PRKG1: variants seen among roughly 807,000 people sequenced by gnomAD.
PRKG1 encodes protein kinase cGMP-dependent 1, also known as cGMP-dependent protein kinase 1.
A neutral mutation model predicts 88.1 loss-of-function variants in PRKG1; 35 were observed. That is an observed-to-expected ratio of 0.40 (90% confidence interval 0.30 to 0.53). The LOEUF is 0.53. PRKG1 is among the 20% of genes least tolerant of loss of function. The probability of loss-of-function intolerance (pLI) is 0.59; values close to 1 mark genes in which losing one functional copy is unlikely to be tolerated. For missense variants in PRKG1, 540 were observed against 839.8 expected, an observed-to-expected ratio of 0.64 and a Z score of 4.41; for synonymous variants, 303 against 292.5, an observed-to-expected ratio of 1.04 and a Z score of -0.37.
At chr10:51,420,263 T>C (rs1838371506) in intron 2 of PRKG1, among the ~76,000 whole-genome samples, 1 of 152,190 alleles carries the variant, frequency 6.6e-6, no homozygotes, top group South Asian at 2.1e-4. Context: ...TTAGTATTAC[T>C]ATCTGAATAG....
At chr10:51,369,169 C>T (rs1313695273) in intron 2 of PRKG1, among the ~76,000 whole-genome samples, 1 of 151,992 alleles carries the variant, frequency 6.6e-6, no homozygotes, top group Non-Finnish European at 1.5e-5. Flanking sequence ...TCATTAGAAG[C>T]GACTGTTTCT....
rs1245122982 is a variant in PRKG1, at chr10:52,151,209, A to AT, written c.1002-10673dup. Among the ~76,000 whole-genome samples, 4 of 151,976 alleles carry AT rather than the reference A, an allele frequency of 2.6e-5. No individual in the cohort carries two copies. The East Asian group carries it at 5.8e-4, about 22-fold the overall frequency. ...ACTAAGGGCCTAGTACCCAATAGTT[A>AT]TTTTTTTCTGCTGCTCACCCTCCTC... On this transcript the variant is annotated intron_variant, in intron 8 of 17. Coordinates refer to ENST00000373980, the MANE Select transcript of PRKG1 (RefSeq NM_006258.4).
chr10:51,222,170 G>A (rs1276601720), intron 2 of PRKG1, among the ~76,000 whole-genome samples: 1 of 145,762 alleles, frequency 6.9e-6, no homozygotes, highest in East Asian at 2.1e-4. Flanking sequence ...ACAGGCATGA[G>A]CCACCGCGCC....
At chr10:51,242,838 A>C (rs61849744) in intron 2 of PRKG1, among the ~76,000 whole-genome samples, 48 of 152,194 alleles carry the variant, frequency 3.2e-4, no homozygotes, top group Non-Finnish European at 5.3e-4. Context: ...TAGTGAAAAT[A>C]TAGTGAACAC....
chr10:51,608,035 T>C (rs1446177526), intron 3 of PRKG1, among the ~76,000 whole-genome samples: 1 of 152,198 alleles, frequency 6.6e-6, no homozygotes, highest in Non-Finnish European at 1.5e-5. Context: ...TATTTTCCCT[T>C]TGAATTTTCA....
chr10:51,257,794 A>AT (rs1839603439), intron 2 of PRKG1, among the ~76,000 whole-genome samples: 1 of 152,180 alleles, frequency 6.6e-6, no homozygotes, highest in Non-Finnish European at 1.5e-5. Context: ...GATTCTGATG[A>AT]ACTAGGCTCT....
At chr10:51,793,924 G>C (rs1488136479) in intron 3 of PRKG1, among the ~76,000 whole-genome samples, 1 of 152,042 alleles carries the variant, frequency 6.6e-6, no homozygotes, top group East Asian at 1.9e-4. Flanking sequence ...AACACATCCA[G>C]CTAGTTTTTT....
chr10:51,299,736 C>T, intron 2 of PRKG1: 2 of 392,778 alleles, frequency 5.1e-6, no homozygotes, highest in Non-Finnish European at 9.7e-6. Context: ...TTCCTGGCCT[C>T]TCAATGACAT....
intron 11 of PRKG1, 142 bp downstream of exon 11, chr10:52,271,631 GT>G: frequency 1.1e-6 from 1 of 911,400 alleles, no homozygotes; most frequent in Non-Finnish European, 1.5e-6. Flanking sequence ...AGAAAGTTTT[GT>G]TTGATTTCTA....
In PRKG1 at chr10:51,488,554, TTAC is replaced by T. The variant is rs570317630; in HGVS notation, c.592+20724_592+20726del. Among the ~76,000 whole-genome samples the T allele has an allele frequency of 1.6e-3, 242 of 152,252 alleles. 2 individuals are homozygous for T. Among genetic ancestry groups the T allele is most frequent in the Middle Eastern group, 0.014 (4 of 294 alleles). ...CCGTAGTAGACTTTGACATCTATAT[TTAC>T]TACTAGATGATGTTTGTGCAGACCT... On this transcript the variant is annotated intron_variant, in intron 3 of 17. Coordinates refer to ENST00000373980, the MANE Select transcript of PRKG1 (RefSeq NM_006258.4).
intron 2 of PRKG1, among the ~76,000 whole-genome samples, chr10:51,303,417 T>C (rs1840946128): frequency 6.6e-6 from 1 of 151,930 alleles, no homozygotes; most frequent in African/African-American, 2.4e-5. Flanking sequence ...TGGCCTCATG[T>C]GTGCGCTGTC....
chr10:51,600,887 A>G (rs1431457655), intron 3 of PRKG1, among the ~76,000 whole-genome samples: 1 of 151,840 alleles, frequency 6.6e-6, no homozygotes, highest in Non-Finnish European at 1.5e-5. Context: ...AGGAATACTT[A>G]AATGATTAGG....
intron 4 of PRKG1, among the ~76,000 whole-genome samples, chr10:51,852,025 G>A (rs928029734): frequency 2.0e-5 from 3 of 151,696 alleles, no homozygotes; most frequent in African/African-American, 4.8e-5. Context: ...CAACCATATC[G>A]GCAGGCTCTT....
At chr10:51,176,015 A>G (rs1837182330) in intron 2 of PRKG1, among the ~76,000 whole-genome samples, 1 of 152,170 alleles carries the variant, frequency 6.6e-6, no homozygotes, top group Admixed American at 6.6e-5. Context: ...GAAAGATGGG[A>G]CAATTAACTG....
intron 1 of PRKG1, among the ~76,000 whole-genome samples, chr10:51,014,792 A>C (rs1180475511): frequency 1.3e-5 from 2 of 152,230 alleles, no homozygotes; most frequent in African/African-American, 4.8e-5. Context: ...TTTTAGACAG[A>C]TGAAGGGCTG....
intron 1 of PRKG1, among the ~76,000 whole-genome samples, chr10:51,044,760 T>C (rs868540571): frequency 1.3e-5 from 2 of 152,058 alleles, no homozygotes; most frequent in African/African-American, 4.8e-5. Flanking sequence ...TAGGAGCCCT[T>C]CTTCTATTAT....
At chr10:51,431,389 G>A (rs150802462) in intron 2 of PRKG1, among the ~76,000 whole-genome samples, 11 of 152,306 alleles carry the variant, frequency 7.2e-5, no homozygotes, top group South Asian at 2.1e-4. Context: ...GAGTTTCCAC[G>A]GGAAGGACAA....
intron 2 of PRKG1, among the ~76,000 whole-genome samples, chr10:51,170,070 G>C (rs977887044): frequency 3.3e-5 from 5 of 152,048 alleles, no homozygotes; most frequent in Non-Finnish European, 5.9e-5. Flanking sequence ...GACTGGGCTG[G>C]ACTGTTGTCT....
intron 1 of PRKG1, among the ~76,000 whole-genome samples, chr10:51,132,324 A>G (rs1247053003): frequency 6.6e-6 from 1 of 152,160 alleles, no homozygotes; most frequent in Non-Finnish European, 1.5e-5. Flanking sequence ...TCACAGGCAG[A>G]AAAACTTGAA....
Sources: gnomAD v4.1 joint callset for allele counts (sites outside exome capture counted in the v4.1 genomes callset) on GRCh38, gnomAD v4.1.1 for gene constraint, MANE v1.5 for transcripts, NCBI Gene and HGNC (gene_info 2026-07-23, HGNC 2026-07-21) for gene names.